Variants in FGD6 observed in about 807,000 individuals in gnomAD.
FGD6 encodes the protein FYVE, RhoGEF and PH domain-containing protein 6.
FGD6 carries 90 observed loss-of-function variants against 149.4 expected under a neutral mutation model. The ratio of observed to expected loss-of-function variants is 0.60; its 90% CI spans 0.51 to 0.72. The LOEUF (loss-of-function observed/expected upper bound fraction) is 0.72, where lower values mean the gene tolerates loss of function less well. FGD6 is among the 30% of genes least tolerant of loss of function. The pLI is 0.00. For synonymous variants in FGD6, 527 were observed against 584.0 expected, an observed-to-expected ratio of 0.90 and a Z score of 1.41; for missense variants, 1,437 against 1,684.8, an observed-to-expected ratio of 0.85 and a Z score of 2.57.
At chr12:95,141,621 T>C in intron 5 of FGD6, 82 bp from the exon 6 acceptor site, 1 of 1,481,328 alleles carries the variant, frequency 6.8e-7, no homozygotes, top group Non-Finnish European at 9.3e-7. Context: ...CCCTCCTCCC[T>C]AAAATGATAC....
At position 95,102,170 on chromosome 12, in the gene FGD6, G is replaced by A. The variant is rs577991287; in HGVS notation, c.3497+2837C>T. On this transcript the variant is annotated intron_variant, in intron 14 of 20. Coordinates refer to ENST00000343958, the MANE Select transcript of FGD6 (RefSeq NM_018351.4). ...TTAAAATTAAAAAAGATGGCCAGAC[G>A]TGGTGACTCACGCCTGTAATCCCAG... Among the ~76,000 whole-genome samples, 108 of 151,838 alleles carry A rather than the reference G, an allele frequency of 7.1e-4. 1 individual carries two copies. The highest frequency in any genetic ancestry group is 1.7e-3 in the South Asian group (8 of 4,788).
chr12:95,208,740 C>G, intron 2 of FGD6, 103 bp downstream of exon 2: 1 of 1,347,416 alleles, frequency 7.4e-7, no homozygotes, highest in Non-Finnish European at 1.0e-6. Context: ...CTAAACTATT[C>G]CTTCAACCAC....
intron 9 of FGD6, among the ~76,000 whole-genome samples, chr12:95,111,212 C>T (rs1388300788): frequency 6.6e-6 from 1 of 152,112 alleles, no homozygotes; most frequent in Non-Finnish European, 1.5e-5. Flanking sequence ...AATTCCTGGC[C>T]TCAAGTGACC....
rs367942675 is a variant in FGD6 at position 95,117,239 on chromosome 12, GA to G, written c.3083-3539del. 9.0e-3 allele frequency among the ~76,000 whole-genome samples: 1,354 copies of G among 150,036 alleles called. 21 individuals are homozygous for G. The highest frequency in any genetic ancestry group is 0.031 in the African/African-American group (1,280 of 40,924). ...GCCACTGAGGTTATTTTTATCAAAGGAAAAAAAAAGCAGATGTTGGTTCAGC... is the reference window on the plus strand; with the variant it reads ...GCCACTGAGGTTATTTTTATCAAAGGAAAAAAAAGCAGATGTTGGTTCAGC... On this transcript the variant is annotated intron_variant, in intron 8 of 20. Transcript: ENST00000343958.
chr12:95,155,548 A>C (rs1183222895), intron 3 of FGD6, among the ~76,000 whole-genome samples: 2 of 152,152 alleles, frequency 1.3e-5, no homozygotes, highest in Non-Finnish European at 2.9e-5. Context: ...CAAAACAAAA[A>C]ACAAAAAAAA....
intron 3 of FGD6, among the ~76,000 whole-genome samples, chr12:95,154,466 T>C (rs1373320685): frequency 2.0e-5 from 3 of 152,108 alleles, no homozygotes; most frequent in African/African-American, 7.2e-5. Flanking sequence ...GAGAAGCTTC[T>C]CTCCATTTAT....
chr12:95,199,387 A>G (rs1303989587), intron 2 of FGD6, among the ~76,000 whole-genome samples: 1 of 152,104 alleles, frequency 6.6e-6, no homozygotes, highest in Non-Finnish European at 1.5e-5. Flanking sequence ...ACTTGATTAC[A>G]CAACAAAAAA....
intron 3 of FGD6, among the ~76,000 whole-genome samples, chr12:95,168,799 CTCT>C (rs1344494248): frequency 1.3e-5 from 2 of 152,022 alleles, no homozygotes; most frequent in African/African-American, 4.8e-5. Flanking sequence ...ACTTTTTTTC[CTCT>C]TCTTTTTACA....
chr12:95,209,826 T>C lies in FGD6; in HGVS notation c.1458A>G (p.Ile486Met). 1.9e-6 allele frequency: 3 copies of C among 1,608,948 alleles called. No homozygotes were observed. The highest frequency in any genetic ancestry group is 2.5e-6 in the Non-Finnish European group (3 of 1,178,868). The part of the protein sequence containing the change: ...SAPQMQKESV[I>M]KEENSLRIVP... ...CAATTCGTAGAGAATTTTCCTCTTT[T>C]ATAACAGATTCCTTTTGCATTTGAG... Residue 486 changes from isoleucine to methionine, a missense_variant, in exon 2 of 21, where the codon ATA (isoleucine) becomes ATG (methionine). Around this residue, in one of 2 missense-constraint regions of FGD6, gnomAD observed 1,055 missense variants for 1,146.0 expected, o/e 0.92. Transcript: ENST00000343958.
rs2056710471 is a variant in FGD6 at position 95,209,350 on chromosome 12, T to C, written c.1934A>G (p.Gln645Arg). The change falls in exon 2 of 21, where the codon CAA (glutamine) becomes CGA (arginine). Residue 645 changes from glutamine (Q) to arginine (R), a missense_variant. Gln to Arg is a conservative substitution (Grantham distance 43). Coordinates refer to ENST00000343958, the MANE Select transcript of FGD6 (RefSeq NM_018351.4). The part of the protein sequence containing the change: ...LSICFMKSDF[Q>R]KFWSKSSQLG... Reference sequence around the variant, plus strand: ...TTGGCTACTCTTGGACCAAAATTTTTGAAAGTCACTCTTCATGAAACAGAT... The same window carrying C: ...TTGGCTACTCTTGGACCAAAATTTTCGAAAGTCACTCTTCATGAAACAGAT... 2.5e-6 allele frequency: 4 copies of C among 1,612,952 alleles called. No homozygotes were observed. In the East Asian group the frequency reaches 8.9e-5, roughly 36 times the overall value.
chr12:95,137,643 T>C lies in FGD6; in HGVS notation c.2873A>G (p.Lys958Arg). The change falls in exon 7 of 21, where the codon AAG becomes AGG. Residue 958 changes from lysine (K) to arginine (R), a missense_variant. Transcript: ENST00000343958. ...ATACATTTTTAGATATGGTCCCTTC[T>C]TTACAAAGATATCAGCAATTCTTTG... ...EQQRIADIFV[K>R]KGPYLKMYST... is the part of the protein sequence containing the mutation. The C allele has an allele frequency of 6.2e-7, 1 of 1,608,544 alleles. No individual in the cohort carries two copies. The highest frequency in any genetic ancestry group is 8.5e-7 in the Non-Finnish European group (1 of 1,178,002).
chr12:95,150,190 G>A (rs977350395), intron 5 of FGD6, among the ~76,000 whole-genome samples: 4 of 151,782 alleles, frequency 2.6e-5, no homozygotes, highest in Admixed American at 2.6e-4. Flanking sequence ...ACCACGCCCG[G>A]CTAATTTTTG....
At chr12:95,214,861 CTTTTTTTTT>C (rs1171146305) in intron 1 of FGD6, among the ~76,000 whole-genome samples, 1 of 129,218 alleles carries the variant, frequency 7.7e-6, no homozygotes, top group Non-Finnish European at 1.6e-5. Flanking sequence ...CTCCTTTTTT[CTTTTTTTTT>C]TTTTTTTTTT....
At position 95,084,502 on chromosome 12, in the gene FGD6, G is replaced by C. The variant is rs1281415001; in HGVS notation, c.4252C>G (p.Gln1418Glu). Residue 1418 changes from glutamine (Q) to glutamate (E), a missense_variant, in exon 20 of 21, where the codon CAG becomes GAG. Physicochemically the swap from Gln to Glu is conservative, Grantham distance 29. This residue lies in a region of FGD6 where 382 missense variants were observed against 538.7 expected (regional missense o/e 0.71). Transcript: ENST00000343958. ...VFKAEDAHSAQKWIEAFQEGT... is the reference protein window; with the variant it reads ...VFKAEDAHSAEKWIEAFQEGT... Reference sequence around the variant, plus strand: ...AAATATGGCCAGATTACTTACTTCTGAGCCGAATGAGCATCCTCTGCTTTG... The same window carrying C: ...AAATATGGCCAGATTACTTACTTCTCAGCCGAATGAGCATCCTCTGCTTTG... 6.4e-7 allele frequency: 1 copy of C among 1,558,182 alleles called. No homozygotes were observed. The highest frequency in any genetic ancestry group is 1.4e-5 in the African/African-American group (1 of 71,758).
At chr12:95,178,894 T>C (rs1041159301) in intron 2 of FGD6, among the ~76,000 whole-genome samples, 3 of 152,180 alleles carry the variant, frequency 2.0e-5, no homozygotes, top group African/African-American at 7.2e-5. Context: ...TGTTTTATTT[T>C]TTCATTCTTA....
chr12:95,187,280 G>A (rs952897011), intron 2 of FGD6, among the ~76,000 whole-genome samples: 6 of 148,748 alleles, frequency 4.0e-5, no homozygotes, highest in Admixed American at 6.8e-5. Context: ...GCAGTGAGCC[G>A]AGATCGTGCC....
chr12:95,088,291 G>A (rs894275599), intron 18 of FGD6, among the ~76,000 whole-genome samples: 2 of 152,034 alleles, frequency 1.3e-5, no homozygotes, highest in Admixed American at 6.6e-5. Context: ...ACTGTATACT[G>A]CTCAGGTGAT....
In FGD6 at chr12:95,210,693, T is replaced by G; in HGVS notation, c.591A>C (p.Ala197=). ...GGCTGTCTGTGGGCCTGTGCTTCTGTGCAGAAATAAAAGGTGGCATTTGGT... is the reference window on the plus strand; with the variant it reads ...GGCTGTCTGTGGGCCTGTGCTTCTGGGCAGAAATAAAAGGTGGCATTTGGT... The part of the protein sequence containing the change: ...LIHQMPPFIS[A]QKHRPTDSPE... Residue 197 remains alanine, a synonymous_variant, in exon 2 of 21, where the codon GCA becomes GCC. Transcript: ENST00000343958. The G allele has an allele frequency of 6.2e-7, 1 of 1,613,962 alleles. No homozygotes were observed.
chr12:95,215,014 C>A (rs1265849366), intron 1 of FGD6, among the ~76,000 whole-genome samples: 1 of 152,042 alleles, frequency 6.6e-6, no homozygotes. Flanking sequence ...GCGCACCCCA[C>A]CACACCTGGC....
Sources: gnomAD v4.1 joint callset for allele counts (sites outside exome capture counted in the v4.1 genomes callset) on GRCh38, gnomAD v4.1.1 for gene constraint, gnomAD v4.1.1 regional missense constraint, MANE v1.5 for transcripts, NCBI Gene and HGNC (gene_info 2026-07-23, HGNC 2026-07-21) for gene names.